Variants in GRIN2D observed in about 807,000 individuals in gnomAD.
GRIN2D encodes glutamate receptor ionotropic, NMDA 2D.
A neutral mutation model predicts 103.2 loss-of-function variants in GRIN2D; 37 were observed. The observed-to-expected ratio is 0.36, with a 90% CI of 0.28 to 0.47. The LOEUF (loss-of-function observed/expected upper bound fraction) is 0.47, where lower values mean the gene tolerates loss of function less well. Among genes scored for constraint, GRIN2D ranks in the 20% least tolerant of loss-of-function variants. GRIN2D has a pLI of 1.00. For synonymous variants in GRIN2D, 845 were observed against 885.6 expected, an observed-to-expected ratio of 0.95 and a Z score of 0.81; for missense variants, 1,557 against 1,910.6, an observed-to-expected ratio of 0.81 and a Z score of 3.45.
At chr19:48,418,541 G>T (rs372097707) in intron 8 of GRIN2D, among the ~76,000 whole-genome samples, 3 of 152,242 alleles carry the variant, frequency 2.0e-5, no homozygotes, top group East Asian at 1.9e-4. Context: ...CTGGGGAAAT[G>T]GTTGGTGGGA....
rs573461097 is a variant in GRIN2D at position 48,426,094 on chromosome 19, C to G, written c.2252+4149C>G. 9.5e-4 allele frequency among the ~76,000 whole-genome samples: 145 copies of G among 152,174 alleles called. 1 individual carries two copies. Among genetic ancestry groups the G allele is most frequent in the African/African-American group, 3.3e-3 (137 of 41,532 alleles). ...TCATTGCTGAATACCGTTGAGTATA[C>G]CATTATATAAATATACCATAATTCT... On this transcript the variant is annotated intron_variant, in intron 11 of 13. Transcript: ENST00000263269.
chr19:48,426,084 G>A (rs755880689), intron 11 of GRIN2D, among the ~76,000 whole-genome samples: 4 of 152,006 alleles, frequency 2.6e-5, no homozygotes, highest in East Asian at 1.9e-4. Flanking sequence ...GCTGAATACC[G>A]TTGAGTATAC....
intron 11 of GRIN2D, among the ~76,000 whole-genome samples, chr19:48,425,030 C>T (rs1044882110): frequency 5.9e-5 from 9 of 152,016 alleles, no homozygotes; most frequent in Non-Finnish European, 1.3e-4. Flanking sequence ...TCTTCTCTCT[C>T]TCTCTCTCTC....
intron 11 of GRIN2D, among the ~76,000 whole-genome samples, chr19:48,432,926 T>C (rs941209961): frequency 1.3e-5 from 2 of 150,370 alleles, no homozygotes; most frequent in African/African-American, 4.9e-5. Context: ...GAGTAGCTGG[T>C]TCTACAGGCG....
chr19:48,426,550 G>A (rs1178095401), intron 11 of GRIN2D, among the ~76,000 whole-genome samples: 1 of 150,314 alleles, frequency 6.7e-6, no homozygotes, highest in Admixed American at 6.6e-5. Context: ...TTAAACATGT[G>A]TAATTGCCTC....
chr19:48,442,965 C>T lies in GRIN2D; in HGVS notation c.3039C>T (p.Asp1013=). The T allele has an allele frequency of 6.1e-6, 7 of 1,143,926 alleles. No homozygotes were observed. The highest frequency in any genetic ancestry group is 7.6e-6 in the Non-Finnish European group (7 of 921,020). The allele number at this position is 1,143,926 out of a possible 1,614,324, so 70.9% of individuals were successfully genotyped here. The change falls in exon 14 of 14, where the codon GAC becomes GAT. Residue 1013 remains aspartate, a synonymous_variant. Transcript: ENST00000263269. The surrounding 1 kb of genome is among the most constrained non-coding windows in gnomAD (Gnocchi z 7.2). The part of the protein sequence containing the change: ...PPPSYFAIVR[D]KEPAEPPAGA... ...CCTCCTATTTCGCCATCGTACGCGACAAGGAGCCAGCCGAGCCCCCCGCCG... is the reference window on the plus strand; with the variant it reads ...CCTCCTATTTCGCCATCGTACGCGATAAGGAGCCAGCCGAGCCCCCCGCCG...
chr19:48,408,333 C>CAAA (rs35238683), intron 4 of GRIN2D, among the ~76,000 whole-genome samples: 1 of 95,654 alleles, frequency 1.0e-5, no homozygotes, highest in Non-Finnish European at 2.2e-5. Flanking sequence ...GACTCCATCT[C>CAAA]AAAAAAAAAA....
chr19:48,443,300 C>T lies in GRIN2D; in HGVS notation c.3374C>T (p.Ser1125Leu). 6.5e-7 allele frequency: 1 copy of T among 1,536,768 alleles called. No individual in the cohort carries two copies. The highest frequency in any genetic ancestry group is 8.7e-7 in the Non-Finnish European group (1 of 1,151,036). The change falls in exon 14 of 14, where the codon TCG becomes TTG. Residue 1125 changes from serine (S) to leucine (L), a missense_variant. By Grantham distance (145) the Ser-to-Leu change is moderately radical. This residue lies in a region of GRIN2D where 632 missense variants were observed against 572.8 expected (regional missense o/e 1.10). Coordinates refer to ENST00000263269, the MANE Select transcript of GRIN2D (RefSeq NM_000836.4). The surrounding 1 kb of genome is among the most constrained non-coding windows in gnomAD (Gnocchi z 8.9). Reference sequence around the variant, plus strand: ...GACTCGGAGAGCCTGGGCGGCGCGTCGCTGGGCGGCCTGGAGCCCTGGTGG... The same window carrying T: ...GACTCGGAGAGCCTGGGCGGCGCGTTGCTGGGCGGCCTGGAGCCCTGGTGG... ...SEDSESLGGA[S>L]LGGLEPWWFA...
chr19:48,405,045 A>G lies in GRIN2D; in HGVS notation c.777A>G (p.Ala259=). ...AGGAGGCCGAGCCCGTGTTCCGCGCAGCTGAGGAGGCTGGCCTCACTGGAT... is the reference window on the plus strand; with the variant it reads ...AGGAGGCCGAGCCCGTGTTCCGCGCGGCTGAGGAGGCTGGCCTCACTGGAT... ...AREEAEPVFR[A]AEEAGLTGSG... The change falls in exon 4 of 14, where the codon GCA becomes GCG. Residue 259 remains alanine, a synonymous_variant. Coordinates refer to ENST00000263269, the MANE Select transcript of GRIN2D (RefSeq NM_000836.4). This position sits in a 1 kb window ranked among gnomAD's most constrained non-coding sequence, Gnocchi z 5.1. 2 of 1,610,290 alleles carry G rather than the reference A, an allele frequency of 1.2e-6. No homozygotes were observed. The highest frequency in any genetic ancestry group is 1.7e-6 in the Non-Finnish European group (2 of 1,178,282).
intron 4 of GRIN2D, among the ~76,000 whole-genome samples, chr19:48,409,889 A>T (rs1480738897): frequency 6.6e-6 from 1 of 151,334 alleles, no homozygotes; most frequent in East Asian, 2.0e-4. Flanking sequence ...GGTTTAAGTG[A>T]TTGTCCTGCC....
intron 11 of GRIN2D, among the ~76,000 whole-genome samples, chr19:48,430,468 C>T (rs747870615): frequency 2.0e-5 from 3 of 151,324 alleles, no homozygotes; most frequent in South Asian, 2.1e-4. Context: ...CAAAGTGCTA[C>T]GATTACAGGC....
rs1490376156 is a variant in GRIN2D at position 48,418,458 on chromosome 19, G to A, written c.1736-776G>A. On this transcript the variant is annotated intron_variant, in intron 8 of 13. Coordinates refer to ENST00000263269, the MANE Select transcript of GRIN2D (RefSeq NM_000836.4). ...CTAGGGAGCCTGGGGAGGGCTGTAA[G>A]CAGGGGAGGGGCCAGGTCCTCTCTG... 2.0e-5 allele frequency among the ~76,000 whole-genome samples: 3 copies of A among 152,126 alleles called. No individual in the cohort carries two copies. In the East Asian group the frequency reaches 5.8e-4, roughly 29 times the overall value.
At chr19:48,428,281 C>T (rs1971112197) in intron 11 of GRIN2D, among the ~76,000 whole-genome samples, 2 of 151,702 alleles carry the variant, frequency 1.3e-5, no homozygotes, top group Non-Finnish European at 2.9e-5. Context: ...AGGTGATATA[C>T]CCACCTCAGC....
chr19:48,444,008 C>T lies in GRIN2D; in HGVS notation c.*71C>T. The T allele has an allele frequency of 1.9e-6, 2 of 1,026,010 alleles. No individual in the cohort carries two copies. The highest frequency in any genetic ancestry group is 2.6e-6 in the Non-Finnish European group (2 of 768,518). 63.6% of individuals were successfully genotyped at this position (1,026,010 alleles called of 1,614,324 possible). ...GGCCCGAGGGGGCGCCCGCAGTGGA[C>T]AGGACCCGCGTGGGTTGGGAAGGAA... On this transcript the variant is annotated 3_prime_UTR_variant, in exon 14 of 14. Coordinates refer to ENST00000263269, the MANE Select transcript of GRIN2D (RefSeq NM_000836.4). The surrounding 1 kb of genome is among the most constrained non-coding windows in gnomAD (Gnocchi z 5.5).
intron 2 of GRIN2D, 43 bp from the exon 3 acceptor site, chr19:48,398,324 G>C (rs970950820): frequency 3.7e-6 from 3 of 816,032 alleles, no homozygotes; most frequent in African/African-American, 1.9e-5. Flanking sequence ...TCTCCCGTCT[G>C]TGCCTCCCTC....
At position 48,394,748 on chromosome 19, in the gene GRIN2D, A is replaced by G; in HGVS notation, c.-215A>G. On this transcript the variant is annotated 5_prime_UTR_variant, in exon 2 of 14. Coordinates refer to ENST00000263269, the MANE Select transcript of GRIN2D (RefSeq NM_000836.4). This position sits in a 1 kb window ranked among gnomAD's most constrained non-coding sequence, Gnocchi z 5.1. ...AGGACAGGACCAAGGAAGAGGAAGG[A>G]GAGACGGAGCCAGGGACAGACAGGA... 6.5e-6 allele frequency: 1 copy of G among 154,004 alleles called. No homozygotes were observed. Among genetic ancestry groups the G allele is most frequent in the Non-Finnish European group, 1.4e-5 (1 of 69,198 alleles). 9.5% of individuals were successfully genotyped at this position (154,004 alleles called of 1,614,324 possible).
Position 48,415,028 on chromosome 19 carries a change from G to C in GRIN2D, c.1577G>C (p.Gly526Ala). Residue 526 changes from glycine to alanine, a missense_variant, in exon 7 of 14, where the codon GGG becomes GCG. Physicochemically the swap from Gly to Ala is moderately conservative, Grantham distance 60. Transcript: ENST00000263269. ...GATGGCGTCTGGAACGGCATGATCG[G>C]GGAGGTGAGGGGGCGGACGGGAGGC... The part of the protein sequence containing the change: ...KIDGVWNGMI[G>A]EVFYQRADMA... 1 of 1,584,470 alleles carries C rather than the reference G, an allele frequency of 6.3e-7. No homozygotes were observed. Among genetic ancestry groups the C allele is most frequent in the Non-Finnish European group, 8.6e-7 (1 of 1,161,372 alleles).
Position 48,443,666 on chromosome 19 carries a change from C to T in GRIN2D, c.3740C>T (p.Ala1247Val). ...TCGCACCGCACGCCCGCCGCCGCCG[C>T]GCCCCACCACCACAGGCACCGGCGC... Reference protein sequence around the residue: ...RASHRTPAAAAPHHHRHRRAA... With the variant: ...RASHRTPAAAVPHHHRHRRAA... The change falls in exon 14 of 14, where the codon GCG becomes GTG. Residue 1247 changes from alanine to valine, a missense_variant. Physicochemically the swap from Ala to Val is moderately conservative, Grantham distance 64. Around this residue, in one of 7 missense-constraint regions of GRIN2D, gnomAD observed 632 missense variants for 572.8 expected, o/e 1.10. Transcript: ENST00000263269. This position sits in a 1 kb window ranked among gnomAD's most constrained non-coding sequence, Gnocchi z 8.9. 2 of 1,182,302 alleles carry T rather than the reference C, an allele frequency of 1.7e-6. No homozygotes were observed. Among genetic ancestry groups the T allele is most frequent in the South Asian group, 6.9e-5 (2 of 28,978 alleles). The allele number at this position is 1,182,302 out of a possible 1,614,324, so 73.2% of individuals were successfully genotyped here.
At chr19:48,438,259 G>C (rs1185322608) in intron 11 of GRIN2D, among the ~76,000 whole-genome samples, 1 of 137,932 alleles carries the variant, frequency 7.2e-6, no homozygotes, top group Non-Finnish European at 1.5e-5. Flanking sequence ...AGATCCTTTG[G>C]CTTCTCTTCA....
Sources: gnomAD v4.1 joint callset for allele counts (sites outside exome capture counted in the v4.1 genomes callset) on GRCh38, gnomAD v4.1.1 for gene constraint, gnomAD v4.1.1 regional missense constraint, Gnocchi (gnomAD v3.1) non-coding constraint, MANE v1.5 for transcripts, NCBI Gene and HGNC (gene_info 2026-07-23, HGNC 2026-07-21) for gene names.